The following PDE9A variants were observed in gnomAD, a reference collection of about 807,000 sequenced individuals.
PDE9A encodes the protein phosphodiesterase 9A, also known as high affinity cGMP-specific 3',5'-cyclic phosphodiesterase 9A.
PDE9A carries 60 observed loss-of-function variants against 87.4 expected under a neutral mutation model. The observed-to-expected ratio is 0.69, with a 90% CI of 0.56 to 0.85. The LOEUF is 0.85. PDE9A is among the 40% of genes least tolerant of loss of function. The probability of loss-of-function intolerance (pLI) is 0.00; values close to 1 mark genes in which losing one functional copy is unlikely to be tolerated. For missense variants in PDE9A, 665 were observed against 779.0 expected (o/e 0.85, Z 1.74); for synonymous variants, 272 against 279.4 (o/e 0.97, Z 0.27).
intron 4 of PDE9A, among the ~76,000 whole-genome samples, chr21:42,700,085 C>CT (rs575341823): frequency 8.4e-4 from 128 of 152,190 alleles, no homozygotes; most frequent in African/African-American, 3.0e-3. Flanking sequence ...CATGAGATTT[C>CT]TTTTTGAGAG....
At chr21:42,772,915 T>C (rs925398944) in intron 19 of PDE9A, among the ~76,000 whole-genome samples, 5 of 150,608 alleles carry the variant, frequency 3.3e-5, no homozygotes, top group Non-Finnish European at 7.4e-5. Context: ...ATTACAGGTG[T>C]GAGATTGCGC....
At chr21:42,677,866 C>G (rs1438032950) in intron 1 of PDE9A, among the ~76,000 whole-genome samples, 17 of 152,096 alleles carry the variant, frequency 1.1e-4, no homozygotes, top group Admixed American at 1.1e-3. Context: ...TGGGCTCAAA[C>G]TCCTAACCTT....
Position 42,774,071 on chromosome 21 carries a change from T to C in PDE9A, c.1769-1209T>C, listed in dbSNP as rs373910015. ...TCCAGCCTGGGTGACAGAGCGAGAC[T>C]CTGTCTCAAAAAAAATATAAATAAA... On this transcript the variant is annotated intron_variant, in intron 19 of 19. Transcript: ENST00000291539. Among the ~76,000 whole-genome samples, 11 of 152,134 alleles carry C rather than the reference T, an allele frequency of 7.2e-5. No individual in the cohort carries two copies. The East Asian group carries it at 2.1e-3, about 29-fold the overall frequency.
At position 42,705,770 on chromosome 21, in the gene PDE9A, G is replaced by A. The variant is rs537017564; in HGVS notation, c.262+6759G>A. 2.0e-5 allele frequency among the ~76,000 whole-genome samples: 3 copies of A among 152,228 alleles called. No homozygotes were observed. Among genetic ancestry groups the A allele is most frequent in the African/African-American group, 4.8e-5 (2 of 41,536 alleles). The stretch of plus-strand genomic sequence containing the variant: ...CAGCCTCTTCAACTAGGACAGTGCT[G>A]TAGGGGTCTGGTTCTGCTTGTTCTC... On this transcript the variant is annotated intron_variant, in intron 4 of 19. Coordinates refer to ENST00000291539, the MANE Select transcript of PDE9A (RefSeq NM_002606.3). The surrounding 1 kb of genome is among the most constrained non-coding windows in gnomAD (Gnocchi z 4.3).
chr21:42,655,172 A>ACACACACACG (rs2056964736), intron 1 of PDE9A, among the ~76,000 whole-genome samples: 1 of 150,200 alleles, frequency 6.7e-6, no homozygotes, highest in African/African-American at 2.4e-5. Context: ...ACACACGTGC[A>ACACACACACG]TACACACACG....
In PDE9A at chr21:42,675,132, GCTTT is replaced by G. The variant is rs370376104; in HGVS notation, c.70-11054_70-11051del. Among the ~76,000 whole-genome samples the G allele has an allele frequency of 5.3e-4, 80 of 152,332 alleles. No individual in the cohort carries two copies. Among genetic ancestry groups the G allele is most frequent in the African/African-American group, 1.7e-3 (69 of 41,580 alleles). ...GTAAGTGCGTGTAAGTGTGTGTCTG[GCTTT>G]CTTTCACATAATTTTGTGTCCTGAT... On this transcript the variant is annotated intron_variant, in intron 1 of 19. Coordinates refer to ENST00000291539, the MANE Select transcript of PDE9A (RefSeq NM_002606.3). The surrounding 1 kb of genome is among the most constrained non-coding windows in gnomAD (Gnocchi z 4.3).
intron 1 of PDE9A, among the ~76,000 whole-genome samples, chr21:42,683,884 CAGG>C (rs1208452745): frequency 6.6e-6 from 1 of 152,170 alleles, no homozygotes; most frequent in Admixed American, 6.5e-5. Context: ...CCTTTGTGCC[CAGG>C]AGGAGAAGCA....
intron 2 of PDE9A, 34 bp from the exon 3 acceptor site, chr21:42,687,883 T>C (rs2059564340): frequency 1.3e-6 from 2 of 1,595,370 alleles, no homozygotes; most frequent in Non-Finnish European, 1.7e-6. Flanking sequence ...GAGCACACTA[T>C]GGGCGAAAAC....
rs766602898 is a variant in PDE9A at position 42,694,382 on chromosome 21, C to T, written c.219-4586C>T. 6.6e-6 allele frequency among the ~76,000 whole-genome samples: 1 copy of T among 152,178 alleles called. No individual in the cohort carries two copies. The stretch of plus-strand genomic sequence containing the variant: ...GGTTGCATCTGGCATGCTTGGATTC[C>T]TGCAGGTGGCTGGTTGCACCTAGCT... On this transcript the variant is annotated intron_variant, in intron 3 of 19. Transcript: ENST00000291539. The surrounding 1 kb of genome is among the most constrained non-coding windows in gnomAD (Gnocchi z 5.3).
At chr21:42,763,758 G>A (rs1237962816) in intron 14 of PDE9A, among the ~76,000 whole-genome samples, 2 of 152,230 alleles carry the variant, frequency 1.3e-5, no homozygotes, top group African/African-American at 4.8e-5. Flanking sequence ...CTGGACTTCA[G>A]CACTGGGAAG....
intron 14 of PDE9A, 46 bp from the exon 15 acceptor site, chr21:42,765,335 T>A (rs1035698096): frequency 7.2e-6 from 8 of 1,113,818 alleles, no homozygotes; most frequent in Non-Finnish European, 1.1e-5. Flanking sequence ...GCTGAATAAT[T>A]GTTCAGACTA....
rs2056646008 is a variant in PDE9A, at chr21:42,768,904, A to G, written c.1462-123A>G. ...ACCTTCTCCTTGTTCTTACTGAGACACATTTGTGGTGTGGTTTGGTTGGTT... is the reference window on the plus strand; with the variant it reads ...ACCTTCTCCTTGTTCTTACTGAGACGCATTTGTGGTGTGGTTTGGTTGGTT... On this transcript the variant is annotated intron_variant, in intron 16 of 19. Coordinates refer to ENST00000291539, the MANE Select transcript of PDE9A (RefSeq NM_002606.3). The G allele has an allele frequency of 3.3e-6, 5 of 1,493,486 alleles. No homozygotes were observed. The South Asian group carries it at 4.0e-5, about 12-fold the overall frequency. The allele number at this position is 1,493,486 out of a possible 1,614,324, so 92.5% of individuals were successfully genotyped here.
chr21:42,743,136 G>A (rs988460894), intron 7 of PDE9A, among the ~76,000 whole-genome samples: 3 of 152,352 alleles, frequency 2.0e-5, no homozygotes, highest in South Asian at 4.1e-4. Context: ...AGCCCGCTAA[G>A]TTAGATCTCT....
At chr21:42,746,187 C>T (rs1390934765) in intron 8 of PDE9A, among the ~76,000 whole-genome samples, 3 of 152,208 alleles carry the variant, frequency 2.0e-5, no homozygotes, top group African/African-American at 7.2e-5. Flanking sequence ...GATCACACGC[C>T]GCTCCTGGCG....
chr21:42,760,111 C>T lies in PDE9A; in HGVS notation c.898-217C>T, dbSNP rs1050578772. Among the ~76,000 whole-genome samples, 5 of 152,058 alleles carry T rather than the reference C, an allele frequency of 3.3e-5. No individual in the cohort carries two copies. Among genetic ancestry groups the T allele is most frequent in the African/African-American group, 1.2e-4 (5 of 41,374 alleles). ...CCCTGGTGGGAGCTCTGTCCCCACA[C>T]CTGCCCCGGGTGCCGTGGTGTGGCC... On this transcript the variant is annotated intron_variant, in intron 11 of 19. Transcript: ENST00000291539. This position sits in a 1 kb window ranked among gnomAD's most constrained non-coding sequence, Gnocchi z 5.2.
intron 3 of PDE9A, among the ~76,000 whole-genome samples, chr21:42,690,647 T>C (rs1320368685): frequency 6.6e-6 from 1 of 152,062 alleles, no homozygotes; most frequent in Non-Finnish European, 1.5e-5. Context: ...CCTCTGCCAC[T>C]GTTAGGTCCA....
chr21:42,740,571 ATAGATGGATGGG>A lies in PDE9A; in HGVS notation c.569-3203_569-3192del, dbSNP rs1221527735. ...GTAGATACATAAATATGATGAATGCATAGATGGATGGGTGGATGGATGGATGGATGGATGGAT... is the reference window on the plus strand; with the variant it reads ...GTAGATACATAAATATGATGAATGCATGGATGGATGGATGGATGGATGGAT... On this transcript the variant is annotated intron_variant, in intron 7 of 19. Transcript: ENST00000291539. 7.8e-4 allele frequency among the ~76,000 whole-genome samples: 112 copies of A among 143,754 alleles called. 1 individual carries two copies. The highest frequency in any genetic ancestry group is 2.7e-4 in the Non-Finnish European group (18 of 66,674). The allele number at this position is 143,754 out of a possible 152,430, so 94.3% of individuals were successfully genotyped here. A position where few individuals can be genotyped will look rare whatever the true frequency, so the allele number is the denominator to read the frequency against.
chr21:42,763,620 GT>G (rs1178983823), intron 14 of PDE9A, among the ~76,000 whole-genome samples: 1 of 152,192 alleles, frequency 6.6e-6, no homozygotes. Flanking sequence ...AAGCCGCCTA[GT>G]TTGTGGTACT....
intron 4 of PDE9A, among the ~76,000 whole-genome samples, chr21:42,720,766 G>A (rs1392591819): frequency 6.6e-6 from 1 of 152,026 alleles, no homozygotes; most frequent in Non-Finnish European, 1.5e-5. Context: ...AGCACTTTGG[G>A]AGGCCGAGGT....
Sources: allele counts gnomAD v4.1 joint callset (sites outside exome capture counted in the v4.1 genomes callset), GRCh38; gene constraint gnomAD v4.1.1; non-coding constraint Gnocchi (gnomAD v3.1); transcripts MANE v1.5; gene names NCBI Gene and HGNC (gene_info 2026-07-23, HGNC 2026-07-21).